Variants in DENND4A observed in about 807,000 individuals in gnomAD.
The protein encoded by DENND4A is DENN domain containing 4A, also known as C-myc promoter-binding protein.
A neutral mutation model predicts 199.3 loss-of-function variants in DENND4A; 70 were observed. The observed-to-expected ratio is 0.35, with a 90% CI of 0.29 to 0.43. The LOEUF is 0.43. Among genes scored for constraint, DENND4A ranks in the 20% least tolerant of loss-of-function variants. The probability of loss-of-function intolerance (pLI) is 1.00; values close to 1 mark genes in which losing one functional copy is unlikely to be tolerated. For synonymous variants in DENND4A, 686 were observed against 766.9 expected, an observed-to-expected ratio of 0.89 and a Z score of 1.74; for missense variants, 1,723 against 2,255.8, an observed-to-expected ratio of 0.76 and a Z score of 4.78.
intron 14 of DENND4A, among the ~76,000 whole-genome samples, chr15:65,710,647 C>T (rs1019669760): frequency 4.6e-5 from 7 of 152,042 alleles, no homozygotes; most frequent in African/African-American, 1.7e-4. Context: ...TAAAGCACAC[C>T]TTTCTATTTA....
intron 1 of DENND4A, among the ~76,000 whole-genome samples, chr15:65,763,526 T>A (rs2076904370): frequency 6.6e-6 from 1 of 151,780 alleles, no homozygotes; most frequent in South Asian, 2.1e-4. Context: ...AATACCAAAG[T>A]AGCCAGGTGT....
rs1454563078 is a variant in DENND4A at position 65,752,425 on chromosome 15, G to A, written c.515C>T (p.Pro172Leu). ...CIIIPSKGES[P>L]PHTFCKVDKN... ...GTCGACTTTGCAGAACGTGTGTGGT[G>A]GGCTTTCTCCTTTACTGGGTATAAT... Residue 172 changes from proline to leucine, a missense_variant, in exon 4 of 33, where the codon CCA becomes CTA. Coordinates refer to ENST00000443035, the MANE Select transcript of DENND4A (RefSeq NM_001320835.1). 1 of 1,613,038 alleles carries A rather than the reference G, an allele frequency of 6.2e-7. No individual in the cohort carries two copies. Among genetic ancestry groups the A allele is most frequent in the Non-Finnish European group, 8.5e-7 (1 of 1,179,528 alleles).
At position 65,737,698 on chromosome 15, in the gene DENND4A, T is replaced by C. The variant is rs916078002; in HGVS notation, c.1040+9A>G. On this transcript the variant is annotated intron_variant, in intron 7 of 32. Transcript: ENST00000443035. ...CTGTCAAATGTTGAACCAAGAACAC[T>C]TAACTTACTTCTCAATTGGAAGGAC... 2.0e-5 allele frequency: 31 copies of C among 1,559,908 alleles called. No homozygotes were observed. The Admixed American group carries it at 4.6e-4, about 23-fold the overall frequency.
chr15:65,774,772 A>C (rs2140913554), intron 1 of DENND4A, among the ~76,000 whole-genome samples: 1 of 151,866 alleles, frequency 6.6e-6, no homozygotes, highest in Admixed American at 6.6e-5. Context: ...GATTTTAGAG[A>C]TTATGTTTTA....
chr15:65,738,686 A>G lies in DENND4A; in HGVS notation c.801+20T>C, dbSNP rs10519304. On this transcript the variant is annotated intron_variant, in intron 6 of 32. Transcript: ENST00000443035. ...AATGTACAAGAAATTTGTAGATACA[A>G]TTTGTCAAACACATAATACCTTTTC... is the stretch of plus-strand genomic sequence containing the variant. The G allele has an allele frequency of 0.06, 94,601 of 1,578,928 alleles. 3,181 individuals are homozygous for G. Among genetic ancestry groups the G allele is most frequent in the African/African-American group, 0.1 (7,718 of 73,572 alleles).
chr15:65,777,071 G>A (rs2077302641), intron 1 of DENND4A, among the ~76,000 whole-genome samples: 1 of 152,166 alleles, frequency 6.6e-6, no homozygotes, highest in Admixed American at 6.5e-5. Flanking sequence ...AGGAGGCTGA[G>A]GCAGGAGAAT....
At chr15:65,700,792 A>T (rs568489681) in intron 19 of DENND4A, 117 bp from the exon 20 acceptor site, 1 of 1,110,394 alleles carries the variant, frequency 9.0e-7, no homozygotes, top group Admixed American at 3.5e-5. Context: ...CCACATACTT[A>T]GCAAAATACA....
At chr15:65,771,932 A>G in intron 1 of DENND4A, 3 of 1,608,526 alleles carry the variant, frequency 1.9e-6, no homozygotes, top group Non-Finnish European at 1.7e-6. Context: ...AGCTTTCTAT[A>G]AGCTTTTTTC....
intron 23 of DENND4A, among the ~76,000 whole-genome samples, chr15:65,688,212 ATTTGT>A (rs1041032033): frequency 1.3e-5 from 2 of 152,166 alleles, no homozygotes; most frequent in African/African-American, 4.8e-5. Flanking sequence ...CAGTTATAAA[ATTTGT>A]TTTAATACAT....
chr15:65,667,736 T>C, intron 28 of DENND4A, 33 bp from the exon 29 acceptor site: 1 of 1,586,084 alleles, frequency 6.3e-7, no homozygotes, highest in Non-Finnish European at 8.5e-7. Context: ...AAATGGCAAA[T>C]GCAAAATAAT....
intron 4 of DENND4A, among the ~76,000 whole-genome samples, chr15:65,749,622 T>C (rs2076505790): frequency 1.3e-5 from 2 of 151,664 alleles, no homozygotes. Flanking sequence ...AATACACTGA[T>C]ATTAAGTATA....
At chr15:65,728,949 C>T (rs1798908035) in intron 11 of DENND4A, 123 bp downstream of exon 11, 2 of 967,028 alleles carry the variant, frequency 2.1e-6, no homozygotes, top group Middle Eastern at 3.1e-4. Context: ...GGTGATTACC[C>T]CACATAACAA....
chr15:65,690,452 C>T lies in DENND4A; in HGVS notation c.4142G>A (p.Trp1381Ter), dbSNP rs2076934327. The T allele has an allele frequency of 6.2e-7, 1 of 1,601,696 alleles. No homozygotes were observed. The highest frequency in any genetic ancestry group is 1.3e-5 in the African/African-American group (1 of 74,620). The change falls in exon 23 of 33, where the codon TGG (tryptophan) becomes TAG (stop). Residue 1381 changes from tryptophan (W) to a stop codon, truncating the protein, a stop_gained. Transcript: ENST00000443035. LOFTEE classifies it high-confidence loss of function. ...GGTGTACATGGTGAATCTTGAATAC[C>T]ATTTGCTTGCTTTCTCTGCAACTCC... ...GKGVAEKASKWYSRFTMYTTS... is the reference protein window; with the variant it reads ...GKGVAEKASK
chr15:65,773,163 A>G (rs1476575165), intron 1 of DENND4A, among the ~76,000 whole-genome samples: 2 of 152,188 alleles, frequency 1.3e-5, no homozygotes, highest in East Asian at 1.9e-4. Context: ...GGTTTGTTTC[A>G]TATTTGTTCT....
intron 1 of DENND4A, chr15:65,772,155 G>T (rs759730905): frequency 6.9e-6 from 5 of 722,890 alleles, no homozygotes; most frequent in East Asian, 4.9e-5. Context: ...TTGCTCCTTC[G>T]ATTTTATTTT....
At chr15:65,685,280 C>T (rs754292675) in intron 23 of DENND4A, among the ~76,000 whole-genome samples, 15 of 152,268 alleles carry the variant, frequency 9.9e-5, no homozygotes, top group Middle Eastern at 3.4e-3. Flanking sequence ...GCGCCTGGCA[C>T]CGTGCCCGGC....
intron 1 of DENND4A, among the ~76,000 whole-genome samples, chr15:65,785,620 T>C (rs1353231563): frequency 6.6e-6 from 1 of 152,070 alleles, no homozygotes; most frequent in Non-Finnish European, 1.5e-5. Flanking sequence ...CATACTCATA[T>C]ATAAAGCATT....
At chr15:65,709,846 G>C (rs1479601450) in intron 14 of DENND4A, among the ~76,000 whole-genome samples, 2 of 150,454 alleles carry the variant, frequency 1.3e-5, no homozygotes, top group African/African-American at 4.9e-5. Flanking sequence ...GATTTTCTGA[G>C]TAGTCATTAA....
chr15:65,705,752 T>C (rs889445346), intron 15 of DENND4A, among the ~76,000 whole-genome samples: 3 of 152,108 alleles, frequency 2.0e-5, no homozygotes, highest in Non-Finnish European at 2.9e-5. Context: ...AAAAGAGGAA[T>C]TGAAAGTGAG....
Sources: gnomAD v4.1 joint callset for allele counts (sites outside exome capture counted in the v4.1 genomes callset) on GRCh38, gnomAD v4.1.1 for gene constraint, MANE v1.5 for transcripts, NCBI Gene and HGNC (gene_info 2026-07-23, HGNC 2026-07-21) for gene names.